The following CNKSR3 variants were observed in gnomAD, a reference collection of about 807,000 sequenced individuals.
CNKSR3 encodes connector enhancer of kinase suppressor of ras 3.
Under a neutral mutation model 67.7 loss-of-function variants are expected in CNKSR3, and 36 were observed. The ratio of observed to expected loss-of-function variants is 0.53; its 90% confidence interval spans 0.41 to 0.70. The LOEUF (loss-of-function observed/expected upper bound fraction) is 0.70, where lower values mean the gene tolerates loss of function less well. Ranked by LOEUF, CNKSR3 falls within the 30% of genes least tolerant of loss-of-function variation. The pLI, the probability that CNKSR3 is intolerant of heterozygous loss-of-function variation, is 0.00. For missense variants in CNKSR3, 630 were observed against 695.2 expected (o/e 0.91, Z 1.05); for synonymous variants, 281 against 271.4 (o/e 1.04, Z -0.35).
rs1784765149 is a variant in CNKSR3 at position 154,405,312 on chromosome 6, AAT to A, written c.*1040_*1041del. On this transcript the variant is annotated 3_prime_UTR_variant, in exon 13 of 13. Transcript: ENST00000607772. ...ATTACAGGTGACTAAGAGTAAGAAAAATATACAACTATATTTAAAATACTTAA... is the reference window on the plus strand; with the variant it reads ...ATTACAGGTGACTAAGAGTAAGAAAAATACAACTATATTTAAAATACTTAA... 6.6e-6 allele frequency: 1 copy of A among 152,670 alleles called. No homozygotes were observed. Among genetic ancestry groups the A allele is most frequent in the African/African-American group, 2.4e-5 (1 of 41,464 alleles). The allele number at this position is 152,670 out of a possible 1,614,324, so 9.5% of individuals were successfully genotyped here.
chr6:154,429,453 C>T (rs1785320538), intron 6 of CNKSR3, among the ~76,000 whole-genome samples: 1 of 152,190 alleles, frequency 6.6e-6, no homozygotes, highest in African/African-American at 2.4e-5. Flanking sequence ...TCTGAAATGA[C>T]AACTCCATTT....
chr6:154,458,365 C>T (rs1042277607), intron 1 of CNKSR3, among the ~76,000 whole-genome samples: 1 of 152,104 alleles, frequency 6.6e-6, no homozygotes, highest in Non-Finnish European at 1.5e-5. Flanking sequence ...AATGCTCCCC[C>T]CTCCCCTAAT....
At chr6:154,454,046 C>T (rs1385060431) in intron 1 of CNKSR3, among the ~76,000 whole-genome samples, 1 of 137,324 alleles carries the variant, frequency 7.3e-6, no homozygotes, top group Non-Finnish European at 1.6e-5. Context: ...TGCATATAAT[C>T]CTAAACCTTC....
rs71021052 is a variant in CNKSR3, at chr6:154,390,798, C to CT, written c.*15555dup. On this transcript the variant is annotated 3_prime_UTR_variant, in exon 13 of 13. Transcript: ENST00000607772. ...TCAGCAGCACTGGTTTCTTCTGAGG[C>CT]TTTTTTTTTTTTTTTTTTTTGAGAT... 0.38 allele frequency: 39,121 copies of CT among 102,306 alleles called. 9,447 individuals are homozygous for CT. The highest frequency in any genetic ancestry group is 0.82 in the East Asian group (2,550 of 3,100). 6.3% of individuals were successfully genotyped at this position (102,306 alleles called of 1,614,324 possible).
chr6:154,442,889 T>G (rs1234492902), intron 2 of CNKSR3, among the ~76,000 whole-genome samples: 1 of 143,920 alleles, frequency 6.9e-6, no homozygotes, highest in African/African-American at 2.6e-5. Context: ...ATTTTTTTAT[T>G]TTTTTTATTT....
At chr6:154,435,894 C>T (rs1402664403) in intron 4 of CNKSR3, among the ~76,000 whole-genome samples, 3 of 152,254 alleles carry the variant, frequency 2.0e-5, no homozygotes, top group East Asian at 3.9e-4. Flanking sequence ...ACAAAGCCTA[C>T]CTCTGAGATT....
rs971999047 is a variant in CNKSR3 at position 154,396,711 on chromosome 6, A to T, written c.*9643T>A. 3.3e-5 allele frequency: 5 copies of T among 152,196 alleles called. No homozygotes were observed. The highest frequency in any genetic ancestry group is 2.1e-4 in the South Asian group (1 of 4,834). The allele number at this position is 152,196 out of a possible 1,614,324, so 9.4% of individuals were successfully genotyped here. A position where few individuals can be genotyped will look rare whatever the true frequency, so the allele number is the denominator to read the frequency against. ...TACTGGGGTAACTAGACCGAGAAGG[A>T]TGAGTCCATTATCAGGATTTAAGAA... On this transcript the variant is annotated 3_prime_UTR_variant, in exon 13 of 13. Transcript: ENST00000607772.
chr6:154,447,244 T>G (rs1582868229), intron 2 of CNKSR3, among the ~76,000 whole-genome samples: 1 of 152,198 alleles, frequency 6.6e-6, no homozygotes, highest in East Asian at 1.9e-4. Context: ...CTGTCCAATA[T>G]CGTAGCCACT....
chr6:154,495,328 C>T (rs1384759913), intron 1 of CNKSR3, among the ~76,000 whole-genome samples: 5 of 150,910 alleles, frequency 3.3e-5, no homozygotes, highest in Non-Finnish European at 7.4e-5. Context: ...CTTAAACCCA[C>T]ATAGCAGCTC....
Position 154,391,813 on chromosome 6 carries a change from A to G in CNKSR3, c.*14541T>C, listed in dbSNP as rs1784609607. On this transcript the variant is annotated 3_prime_UTR_variant, in exon 13 of 13. Transcript: ENST00000607772. ...CCTGTAGCTTCCTTCCTTTCCCACA[A>G]TCTTGCTGCCCCGTCACAGGTAACC... 6.6e-6 allele frequency: 1 copy of G among 152,134 alleles called. No individual in the cohort carries two copies. Among genetic ancestry groups the G allele is most frequent in the African/African-American group, 2.4e-5 (1 of 41,394 alleles). 9.4% of individuals were successfully genotyped at this position (152,134 alleles called of 1,614,324 possible).
At chr6:154,429,693 A>G (rs1478340064) in intron 6 of CNKSR3, among the ~76,000 whole-genome samples, 2 of 152,054 alleles carry the variant, frequency 1.3e-5, no homozygotes, top group East Asian at 3.8e-4. Flanking sequence ...CTACCTATAC[A>G]TTAGATACTT....
chr6:154,466,968 G>A (rs6934243), intron 1 of CNKSR3, among the ~76,000 whole-genome samples: 46,547 of 151,492 alleles, frequency 0.31, 7,544 homozygotes, highest in East Asian at 0.41. Flanking sequence ...CCACTCCAAG[G>A]AAGAGAGCTA....
At chr6:154,461,357 A>C (rs2128720927) in intron 1 of CNKSR3, among the ~76,000 whole-genome samples, 1 of 152,348 alleles carries the variant, frequency 6.6e-6, no homozygotes, top group East Asian at 1.9e-4. Flanking sequence ...CTGAGTACTT[A>C]CTATGTTTTT....
At chr6:154,488,188 A>G (rs993961886) in intron 1 of CNKSR3, among the ~76,000 whole-genome samples, 1 of 152,236 alleles carries the variant, frequency 6.6e-6, no homozygotes, top group Non-Finnish European at 1.5e-5. Context: ...AATTACCACC[A>G]AAGATGATAA....
At chr6:154,502,471 A>G (rs111385710) in intron 1 of CNKSR3, among the ~76,000 whole-genome samples, 238 of 150,920 alleles carry the variant, frequency 1.6e-3, no homozygotes, top group African/African-American at 5.6e-3. Context: ...TGCTGGGATT[A>G]CAGGCGTGAG....
chr6:154,461,071 C>G (rs1189965170), intron 1 of CNKSR3, among the ~76,000 whole-genome samples: 1 of 152,182 alleles, frequency 6.6e-6, no homozygotes, highest in East Asian at 1.9e-4. Flanking sequence ...ATTAAAACCC[C>G]GCATGAATAG....
chr6:154,411,652 AAAG>A (rs1473096068), intron 10 of CNKSR3, among the ~76,000 whole-genome samples: 2 of 149,642 alleles, frequency 1.3e-5, no homozygotes, highest in East Asian at 2.0e-4. Context: ...AAAAAAAAAA[AAAG>A]AAGAGTAAAT....
intron 9 of CNKSR3, among the ~76,000 whole-genome samples, chr6:154,422,153 T>C (rs1169891549): frequency 5.3e-5 from 8 of 152,014 alleles, no homozygotes; most frequent in Non-Finnish European, 1.0e-4. Flanking sequence ...CCACCATGCC[T>C]GGCTAATTTT....
intron 9 of CNKSR3, 37 bp from the exon 10 acceptor site, chr6:154,414,460 G>A: frequency 1.3e-6 from 2 of 1,559,930 alleles, no homozygotes; most frequent in East Asian, 2.2e-5. Context: ...AAAGAGTGGA[G>A]ATCAATTCAG....
Sources: gnomAD v4.1 joint callset for allele counts (sites outside exome capture counted in the v4.1 genomes callset) on GRCh38, gnomAD v4.1.1 for gene constraint, MANE v1.5 for transcripts, NCBI Gene and HGNC (gene_info 2026-07-23, HGNC 2026-07-21) for gene names.